Variants in RALGPS1 observed in about 807,000 individuals in gnomAD.
RALGPS1 encodes ras-specific guanine nucleotide-releasing factor RalGPS1.
Under a neutral mutation model 78.8 loss-of-function variants are expected in RALGPS1, and 19 were observed. That is an observed-to-expected ratio of 0.24 (90% CI 0.17 to 0.35). The LOEUF is 0.35. Among genes scored for constraint, RALGPS1 ranks in the 10% least tolerant of loss-of-function variants. The pLI, the probability that RALGPS1 is intolerant of heterozygous loss-of-function variation, is 1.00. For synonymous variants in RALGPS1, 228 were observed against 256.3 expected (o/e 0.89, Z 1.06); for missense variants, 454 against 688.3 (o/e 0.66, Z 3.81).
At chr9:127,062,711 G>T (rs2049330883) in intron 7 of RALGPS1, among the ~76,000 whole-genome samples, 1 of 152,102 alleles carries the variant, frequency 6.6e-6, no homozygotes, top group African/African-American at 2.4e-5. Flanking sequence ...TCTGTACAGG[G>T]TTTAAAATAG....
chr9:126,973,245 G>A (rs2040290685), intron 3 of RALGPS1, among the ~76,000 whole-genome samples: 2 of 152,098 alleles, frequency 1.3e-5, no homozygotes, highest in Admixed American at 6.6e-5. Context: ...GCTTATACCT[G>A]TAGTTGTAGC....
chr9:127,025,407 AC>A (rs1227385147), intron 4 of RALGPS1, among the ~76,000 whole-genome samples: 3 of 152,174 alleles, frequency 2.0e-5, no homozygotes, highest in African/African-American at 7.2e-5. Context: ...GTAAATACCT[AC>A]CCAATGGGAT....
chr9:127,124,940 G>A (rs921652564), intron 8 of RALGPS1, among the ~76,000 whole-genome samples: 3 of 152,168 alleles, frequency 2.0e-5, no homozygotes, highest in African/African-American at 7.2e-5. Flanking sequence ...AAGTTCTTAG[G>A]ATCCCCTCAG....
At chr9:127,180,108 G>A (rs1173437142) in intron 11 of RALGPS1, among the ~76,000 whole-genome samples, 26 of 152,212 alleles carry the variant, frequency 1.7e-4, no homozygotes, top group Admixed American at 1.7e-3. Context: ...CCCTCCACAT[G>A]TAATGTTTAG....
intron 8 of RALGPS1, among the ~76,000 whole-genome samples, chr9:127,125,453 G>A (rs1335712284): frequency 6.6e-6 from 1 of 152,194 alleles, no homozygotes; most frequent in Admixed American, 6.5e-5. Flanking sequence ...TATTCTCTCC[G>A]AAGCTCTGTT....
At chr9:126,979,827 C>T (rs1467077080) in intron 4 of RALGPS1, among the ~76,000 whole-genome samples, 3 of 152,180 alleles carry the variant, frequency 2.0e-5, no homozygotes, top group Admixed American at 1.3e-4. Flanking sequence ...ATCGTGGCTG[C>T]ACATCAGAAT....
intron 8 of RALGPS1, among the ~76,000 whole-genome samples, chr9:127,094,734 C>T (rs1259507800): frequency 1.3e-5 from 2 of 152,198 alleles, no homozygotes; most frequent in Non-Finnish European, 2.9e-5. Context: ...CTTGCAGGCT[C>T]ATAAACTTAA....
chr9:127,001,980 A>T (rs2043351410), intron 4 of RALGPS1, among the ~76,000 whole-genome samples: 1 of 152,234 alleles, frequency 6.6e-6, no homozygotes, highest in Non-Finnish European at 1.5e-5. Flanking sequence ...TATCTTTTAA[A>T]GAAATTTTTT....
At chr9:127,040,160 G>T (rs913804095) in intron 5 of RALGPS1, among the ~76,000 whole-genome samples, 84 of 152,320 alleles carry the variant, frequency 5.5e-4, no homozygotes, top group African/African-American at 2.0e-3. Context: ...CAGCACTTTG[G>T]GAGGCCAAGG....
intron 3 of RALGPS1, among the ~76,000 whole-genome samples, chr9:126,972,091 T>C (rs1419832620): frequency 6.6e-6 from 1 of 152,158 alleles, no homozygotes; most frequent in Non-Finnish European, 1.5e-5. Flanking sequence ...AAAGGACATG[T>C]TCAAGATGAG....
At chr9:126,988,299 G>T (rs1314141687) in intron 4 of RALGPS1, among the ~76,000 whole-genome samples, 2 of 152,228 alleles carry the variant, frequency 1.3e-5, no homozygotes, top group African/African-American at 4.8e-5. Context: ...GGGCCAGGCA[G>T]TTTGAGCTGG....
intron 1 of RALGPS1, among the ~76,000 whole-genome samples, chr9:126,953,268 C>T (rs75895609): frequency 3.3e-5 from 5 of 152,262 alleles, no homozygotes; most frequent in East Asian, 1.9e-4. Context: ...ACAACTGCCA[C>T]GTTCTTAAGA....
intron 4 of RALGPS1, among the ~76,000 whole-genome samples, chr9:126,995,680 C>A (rs1327249939): frequency 6.6e-6 from 1 of 152,056 alleles, no homozygotes; most frequent in Non-Finnish European, 1.5e-5. Context: ...ACCAAGCAGA[C>A]CTAATAGACA....
At chr9:127,189,268 C>G (rs984439273) in intron 11 of RALGPS1, among the ~76,000 whole-genome samples, 1 of 152,214 alleles carries the variant, frequency 6.6e-6, no homozygotes, top group African/African-American at 2.4e-5. Context: ...CAAATGCTTT[C>G]TAGGCTCAAA....
At chr9:126,946,601 G>A (rs2037296643) in intron 1 of RALGPS1, among the ~76,000 whole-genome samples, 1 of 150,748 alleles carries the variant, frequency 6.6e-6, no homozygotes, top group Admixed American at 6.6e-5. Context: ...GGGGGGTTGA[G>A]TTCCTGGCCT....
At chr9:126,976,536 C>G (rs557924429) in intron 3 of RALGPS1, among the ~76,000 whole-genome samples, 58 of 152,200 alleles carry the variant, frequency 3.8e-4, no homozygotes, top group African/African-American at 1.3e-3. Context: ...TCACCAAGAT[C>G]CCATAAAATA....
intron 11 of RALGPS1, among the ~76,000 whole-genome samples, chr9:127,182,863 T>C (rs964849730): frequency 1.3e-5 from 2 of 152,202 alleles, no homozygotes; most frequent in African/African-American, 2.4e-5. Context: ...CATAAATAAA[T>C]ACCTGAGGCT....
chr9:126,998,599 A>T (rs2042992742), intron 4 of RALGPS1, among the ~76,000 whole-genome samples: 2 of 152,246 alleles, frequency 1.3e-5, no homozygotes, highest in South Asian at 4.1e-4. Context: ...CCATTGTGGA[A>T]GTCAGTGTGG....
At chr9:127,145,263 A>T (rs1368095685) in intron 8 of RALGPS1, among the ~76,000 whole-genome samples, 1 of 152,128 alleles carries the variant, frequency 6.6e-6, no homozygotes, top group Non-Finnish European at 1.5e-5. Flanking sequence ...CTGTGGCCTC[A>T]CAGTGGCCCT....
Sources: allele counts gnomAD v4.1 joint callset (sites outside exome capture counted in the v4.1 genomes callset), GRCh38; gene constraint gnomAD v4.1.1; transcripts MANE v1.5; gene names NCBI Gene and HGNC (gene_info 2026-07-23, HGNC 2026-07-21).